The following RASA3 variants were observed in gnomAD, a reference collection of about 807,000 sequenced individuals.
RASA3 encodes the protein RAS p21 protein activator 3.
A neutral mutation model predicts 110.0 loss-of-function variants in RASA3; 73 were observed. That is an observed-to-expected ratio of 0.66 (90% CI 0.55 to 0.81). The LOEUF (loss-of-function observed/expected upper bound fraction) is 0.81. Among genes scored for constraint, RASA3 ranks in the 30% least tolerant of loss-of-function variants. The pLI, the probability that RASA3 is intolerant of heterozygous loss-of-function variation, is 0.00. For missense variants in RASA3, 976 were observed against 1,113.2 expected (o/e 0.88, Z 1.75); for synonymous variants, 500 against 451.4 (o/e 1.11, Z -1.37).
intron 17 of RASA3, among the ~76,000 whole-genome samples, chr13:114,009,032 A>G (rs1359547414): frequency 6.6e-6 from 1 of 152,124 alleles, no homozygotes; most frequent in Non-Finnish European, 1.5e-5. Flanking sequence ...CGTTCCTGAC[A>G]CTGAGTCTGC....
intron 22 of RASA3, among the ~76,000 whole-genome samples, chr13:113,984,131 C>T (rs150960949): frequency 1.4e-5 from 1 of 71,134 alleles, no homozygotes; most frequent in African/African-American, 4.3e-5. Context: ...ACCCATCTGT[C>T]GATCCACCCA....
At chr13:114,007,701 T>G in intron 17 of RASA3, 95 bp from the exon 18 acceptor site, 1 of 1,013,088 alleles carries the variant, frequency 9.9e-7, no homozygotes. Context: ...TACTGCCTCC[T>G]TTGTAATACC....
chr13:114,095,968 T>C (rs1047676067), intron 1 of RASA3, among the ~76,000 whole-genome samples: 1 of 152,240 alleles, frequency 6.6e-6, no homozygotes, highest in Non-Finnish European at 1.5e-5. Flanking sequence ...AAAACCACGA[T>C]CCTCTTTGGT....
In RASA3 at chr13:114,103,495, C is replaced by T. The variant is rs958573773; in HGVS notation, c.55+28940G>A. Among the ~76,000 whole-genome samples the T allele has an allele frequency of 2.0e-5, 3 of 150,072 alleles. No individual in the cohort carries two copies. In the South Asian group the frequency reaches 6.3e-4, roughly 32 times the overall value. ...CGCCGAGGAGCACCTGACACCGGAG[C>T]CCGAGTCTCGGCTCAGCACCACCAC... On this transcript the variant is annotated intron_variant, in intron 1 of 23. Transcript: ENST00000334062.
chr13:114,070,271 G>A (rs2079549267), intron 2 of RASA3, among the ~76,000 whole-genome samples: 1 of 151,722 alleles, frequency 6.6e-6, no homozygotes, highest in African/African-American at 2.4e-5. Context: ...GCCCCAAAGT[G>A]GGTGCCACCA....
At chr13:113,995,746 GCCC>G (rs1566453018) in intron 21 of RASA3, among the ~76,000 whole-genome samples, 6 of 69,112 alleles carry the variant, frequency 8.7e-5, no homozygotes, top group African/African-American at 1.8e-4. Flanking sequence ...GCTGACGGGG[GCCC>G]GGCTGACGGG....
intron 7 of RASA3, among the ~76,000 whole-genome samples, chr13:114,025,168 G>A (rs545402467): frequency 6.6e-6 from 1 of 152,362 alleles, no homozygotes; most frequent in East Asian, 1.9e-4. Context: ...TGGCTCAGGA[G>A]CTCTCAGCTC....
At chr13:114,078,921 T>C (rs1386605576) in intron 1 of RASA3, among the ~76,000 whole-genome samples, 1 of 152,170 alleles carries the variant, frequency 6.6e-6, no homozygotes, top group Non-Finnish European at 1.5e-5. Context: ...GGAGGAGCTG[T>C]GAGGGCATGG....
chr13:114,014,281 C>T lies in RASA3; in HGVS notation c.1405+928G>A, dbSNP rs11839694. 0.057 allele frequency among the ~76,000 whole-genome samples: 8,683 copies of T among 152,270 alleles called. 578 individuals are homozygous for T. Among genetic ancestry groups the T allele is most frequent in the African/African-American group, 0.13 (5,391 of 41,528 alleles). Reference sequence around the variant, plus strand: ...GGTGAGAGGATGTGTTTTATCTCTTCACTTCCACCTTGTTCAAAGTGGGTC... The same window carrying T: ...GGTGAGAGGATGTGTTTTATCTCTTTACTTCCACCTTGTTCAAAGTGGGTC... On this transcript the variant is annotated intron_variant, in intron 14 of 23. Coordinates refer to ENST00000334062, the MANE Select transcript of RASA3 (RefSeq NM_007368.4). The surrounding 1 kb of genome is among the most constrained non-coding windows in gnomAD (Gnocchi z 4.5).
chr13:114,025,426 C>A (rs894519359), intron 7 of RASA3, among the ~76,000 whole-genome samples: 1 of 152,230 alleles, frequency 6.6e-6, no homozygotes, highest in Non-Finnish European at 1.5e-5. Context: ...GCCCCCAGTG[C>A]CCCTGCCTCA....
Position 114,014,514 on chromosome 13 carries a change from G to C in RASA3, c.1405+695C>G, listed in dbSNP as rs2053745785. Among the ~76,000 whole-genome samples, 1 of 152,176 alleles carries C rather than the reference G, an allele frequency of 6.6e-6. No homozygotes were observed. The highest frequency in any genetic ancestry group is 1.9e-4 in the East Asian group (1 of 5,172). On this transcript the variant is annotated intron_variant, in intron 14 of 23. Coordinates refer to ENST00000334062, the MANE Select transcript of RASA3 (RefSeq NM_007368.4). This position sits in a 1 kb window ranked among gnomAD's most constrained non-coding sequence, Gnocchi z 4.5. ...GCCACAGGACACGCAAGGAAGAGAG[G>C]AGCCGGCAGCAAGGCCCTCGCTGAG...
At chr13:114,043,782 C>A (rs1204035236) in intron 3 of RASA3, among the ~76,000 whole-genome samples, 1 of 151,862 alleles carries the variant, frequency 6.6e-6, no homozygotes, top group Non-Finnish European at 1.5e-5. Flanking sequence ...ATGGCGCAGA[C>A]CACGAGGGTG....
intron 4 of RASA3, among the ~76,000 whole-genome samples, chr13:114,032,606 G>A (rs1181773799): frequency 6.6e-6 from 1 of 151,984 alleles, no homozygotes; most frequent in Non-Finnish European, 1.5e-5. Flanking sequence ...TTGACACCGC[G>A]TCGGTGCAGC....
At chr13:114,020,871 C>T (rs1051027524) in intron 9 of RASA3, among the ~76,000 whole-genome samples, 1 of 152,160 alleles carries the variant, frequency 6.6e-6, no homozygotes, top group Non-Finnish European at 1.5e-5. Flanking sequence ...GGAGCGCAGC[C>T]GCGGCGCAGC....
At chr13:114,013,860 CTCCCTG>C (rs1566478789) in intron 14 of RASA3, among the ~76,000 whole-genome samples, 8 of 49,644 alleles carry the variant, frequency 1.6e-4, no homozygotes, top group East Asian at 1.1e-3. Flanking sequence ...CTCTGTCTCT[CTCCCTG>C]TCTCTCTCCC....
chr13:114,000,279 G>A (rs1433183793), intron 19 of RASA3, among the ~76,000 whole-genome samples: 1 of 152,094 alleles, frequency 6.6e-6, no homozygotes, highest in African/African-American at 2.4e-5. Flanking sequence ...CAGGTGCGGG[G>A]GCTGAGGAAG....
chr13:114,078,257 A>T (rs2079725763), intron 1 of RASA3, among the ~76,000 whole-genome samples: 1 of 152,216 alleles, frequency 6.6e-6, no homozygotes. Flanking sequence ...ACCGCACCCC[A>T]AACAGTTCAT....
intron 1 of RASA3, among the ~76,000 whole-genome samples, chr13:114,098,033 C>G (rs2079968512): frequency 6.6e-6 from 1 of 152,206 alleles, no homozygotes; most frequent in Admixed American, 6.5e-5. Flanking sequence ...CAGCCCTCAG[C>G]TGAGCACGCC....
At chr13:114,010,453 C>T (rs1190815987) in intron 16 of RASA3, among the ~76,000 whole-genome samples, 1 of 151,814 alleles carries the variant, frequency 6.6e-6, no homozygotes, top group Non-Finnish European at 1.5e-5. Context: ...CTCAAACACA[C>T]AAGGTGCTCT....
Sources: allele counts gnomAD v4.1 joint callset (sites outside exome capture counted in the v4.1 genomes callset), GRCh38; gene constraint gnomAD v4.1.1; non-coding constraint Gnocchi (gnomAD v3.1); transcripts MANE v1.5; gene names NCBI Gene and HGNC (gene_info 2026-07-23, HGNC 2026-07-21).